Variants in COL6A5 observed in about 807,000 individuals in gnomAD.
COL6A5 encodes the protein collagen alpha-5(VI) chain.
In COL6A5, 48 loss-of-function variants were observed where a neutral mutation model predicts 65.6. That is an observed-to-expected ratio of 0.73 (90% CI 0.58 to 0.93). COL6A5 has a LOEUF of 0.93. Ranked by LOEUF, COL6A5 falls within the 40% of genes least tolerant of loss-of-function variation. The pLI is 0.00. For synonymous variants in COL6A5, 291 were observed against 322.8 expected, an observed-to-expected ratio of 0.90 and a Z score of 1.05; for missense variants, 914 against 928.3, an observed-to-expected ratio of 0.98 and a Z score of 0.20.
intron 1 of COL6A5, among the ~76,000 whole-genome samples, chr3:130,368,893 G>C (rs1229087695): frequency 1.3e-5 from 2 of 152,180 alleles, no homozygotes; most frequent in Non-Finnish European, 2.9e-5. Flanking sequence ...ATGGGATAAG[G>C]CACCAGGGAG....
At chr3:130,408,595 G>A (rs1937076232) in intron 17 of COL6A5, among the ~76,000 whole-genome samples, 2 of 152,032 alleles carry the variant, frequency 1.3e-5, no homozygotes, top group East Asian at 1.9e-4. Flanking sequence ...TGAAGCATAT[G>A]ATCTCTGTGA....
chr3:130,461,122 G>C (rs12485492), intron 5 of COL6A5, among the ~76,000 whole-genome samples: 112,088 of 151,986 alleles, frequency 0.74, 45,145 homozygotes, highest in Non-Finnish European at 0.92. Flanking sequence ...ACTTTTTGGG[G>C]AAATCAGGGA....
Position 130,379,758 on chromosome 3 carries a change from A to G in COL6A5, c.1008A>G (p.Gln336=), listed in dbSNP as rs372330770. The G allele has an allele frequency of 5.0e-4, 774 of 1,551,486 alleles. 5 individuals are homozygous for G. In the South Asian group the frequency reaches 6.2e-3, roughly 12 times the overall value. ...AGTCATATGGCAGCAGAAGAGCACA[A>G]GGAGTGCCTCAGATTGCAGTTCTGG... The change falls in exon 4 of 42, where the codon CAA becomes CAG. Residue 336 remains glutamine, a synonymous_variant and NMD_transcript_variant. Coordinates refer to the COL6A5 transcript ENST00000312481.
chr3:130,434,024 T>C (rs1016473395), intron 1 of COL6A5, among the ~76,000 whole-genome samples: 2 of 151,736 alleles, frequency 1.3e-5, no homozygotes, highest in Non-Finnish European at 2.9e-5. Context: ...GTTTGTTACA[T>C]AGGTATACAT....
intron 1 of COL6A5, among the ~76,000 whole-genome samples, chr3:130,356,899 G>A (rs980088774): frequency 5.3e-5 from 8 of 152,060 alleles, no homozygotes; most frequent in Admixed American, 5.2e-4. Context: ...ACATAGGAAA[G>A]AATAGAAATG....
chr3:130,447,873 GC>G (rs1709344397), intron 4 of COL6A5, among the ~76,000 whole-genome samples: 1 of 152,148 alleles, frequency 6.6e-6, no homozygotes, highest in Admixed American at 6.5e-5. Context: ...CACTGTAATG[GC>G]CTTAGGAATG....
chr3:130,364,022 C>A (rs752468110), intron 1 of COL6A5, among the ~76,000 whole-genome samples: 1 of 152,102 alleles, frequency 6.6e-6, no homozygotes, highest in Non-Finnish European at 1.5e-5. Flanking sequence ...GATGGAGTGA[C>A]AACTTACTTC....
chr3:130,398,063 G>T, exon 10 of COL6A5: 1 of 1,548,386 alleles, frequency 6.5e-7, no homozygotes. Flanking sequence ...TCTCCAGAGT[G>T]AAAGCAACAT....
chr3:130,461,644 A>G (rs1161382167), intron 5 of COL6A5, among the ~76,000 whole-genome samples: 1 of 152,066 alleles, frequency 6.6e-6, no homozygotes, highest in African/African-American at 2.4e-5. Flanking sequence ...ACAAATGAGG[A>G]GATATATCCA....
chr3:130,459,562 G>C (rs1227371953), intron 5 of COL6A5, among the ~76,000 whole-genome samples: 6 of 151,990 alleles, frequency 3.9e-5, no homozygotes, highest in Admixed American at 3.3e-4. Context: ...CAGTGTACAG[G>C]ACAGCCCCTC....
chr3:130,354,101 A>G (rs1170725433), intron 1 of COL6A5, among the ~76,000 whole-genome samples: 1 of 151,968 alleles, frequency 6.6e-6, no homozygotes, highest in Non-Finnish European at 1.5e-5. Flanking sequence ...AAAAGAAGAA[A>G]GAGAAAGAAA....
upstream of COL6A5, among the ~76,000 whole-genome samples, chr3:130,426,610 G>A (rs1367044697): frequency 2.0e-5 from 3 of 152,058 alleles, no homozygotes; most frequent in Non-Finnish European, 4.4e-5. Flanking sequence ...CGCTCATGAG[G>A]GGCAATGCAG....
intron 4 of COL6A5, 67 bp from the exon 5 acceptor site, chr3:130,384,737 T>G: frequency 7.5e-7 from 1 of 1,336,516 alleles, no homozygotes; most frequent in Non-Finnish European, 1.0e-6. Flanking sequence ...CTCATGTTCC[T>G]TCACAAACCC....
intron 7 of COL6A5, among the ~76,000 whole-genome samples, chr3:130,472,579 A>G (rs1709978299): frequency 6.6e-6 from 1 of 151,912 alleles, no homozygotes; most frequent in African/African-American, 2.4e-5. Flanking sequence ...CTTGGTATCT[A>G]CTAAAGCTGA....
chr3:130,381,731 C>T (rs976647365), intron 4 of COL6A5, among the ~76,000 whole-genome samples: 3 of 151,998 alleles, frequency 2.0e-5, no homozygotes, highest in African/African-American at 7.2e-5. Context: ...CAGCACACAA[C>T]ATGGAAAGGA....
chr3:130,405,518 T>C, intron 13 of COL6A5, 70 bp from the exon 14 acceptor site: 1 of 1,130,224 alleles, frequency 8.8e-7, no homozygotes. Flanking sequence ...CTTAACTCTG[T>C]GAAAATAAAC....
intron 17 of COL6A5, among the ~76,000 whole-genome samples, chr3:130,408,065 CA>C (rs1452611077): frequency 3.9e-5 from 6 of 151,980 alleles, no homozygotes; most frequent in Non-Finnish European, 2.9e-5. Context: ...TGTGTTTGAA[CA>C]ATATGAAATC....
intron 3 of COL6A5, among the ~76,000 whole-genome samples, 194 bp downstream of exon 35, chr3:130,441,019 G>A (rs577624292): frequency 7.4e-4 from 113 of 152,174 alleles, no homozygotes; most frequent in African/African-American, 2.7e-3. Context: ...GAGGCCTGAG[G>A]CCTTTTTTTA....
At chr3:130,373,530 A>G in intron 1 of COL6A5, 81 bp from the exon 2 acceptor site, 4 of 664,772 alleles carry the variant, frequency 6.0e-6, no homozygotes, top group Non-Finnish European at 1.1e-5. Context: ...TACAGGTACC[A>G]TGCCCTAATA....
Sources: allele counts gnomAD v4.1 joint callset (sites outside exome capture counted in the v4.1 genomes callset), GRCh38; gene constraint gnomAD v4.1.1; transcripts MANE v1.5; gene names NCBI Gene and HGNC (gene_info 2026-07-23, HGNC 2026-07-21).